The following ANKRD30BL variants were observed in gnomAD, a reference collection of about 807,000 sequenced individuals.
ANKRD30BL encodes putative ankyrin repeat domain-containing protein 30B-like.
A neutral mutation model predicts 18.4 loss-of-function variants in ANKRD30BL; 20 were observed. The ratio of observed to expected loss-of-function variants is 1.09; its 90% CI spans 0.77 to 1.58. The LOEUF (loss-of-function observed/expected upper bound fraction) is 1.58. ANKRD30BL is among the 40% of genes most tolerant of loss of function. The pLI, the probability that ANKRD30BL is intolerant of heterozygous loss-of-function variation, is 0.00. For missense variants in ANKRD30BL, 224 were observed against 268.6 expected (o/e 0.83, Z 1.16); for synonymous variants, 72 against 100.9 (o/e 0.71, Z 1.72).
chr2:132,169,891 G>A (rs1688249732), intron 1 of ANKRD30BL, among the ~76,000 whole-genome samples: 1 of 151,884 alleles, frequency 6.6e-6, no homozygotes, highest in Admixed American at 6.6e-5. Flanking sequence ...GTTTTCCTCT[G>A]ACACTTACTT....
intron 1 of ANKRD30BL, among the ~76,000 whole-genome samples, chr2:132,238,680 C>T (rs1194491935): frequency 6.6e-6 from 1 of 151,958 alleles, no homozygotes; most frequent in Non-Finnish European, 1.5e-5. Context: ...ACTCAACTCA[C>T]AGATTTGAAC....
At chr2:132,202,017 T>C (rs1558930191) in intron 1 of ANKRD30BL, among the ~76,000 whole-genome samples, 1 of 152,158 alleles carries the variant, frequency 6.6e-6, no homozygotes, top group Non-Finnish European at 1.5e-5. Flanking sequence ...TTGGAAACCA[T>C]CATTCTCAGT....
At chr2:132,245,271 T>C (rs1220164181) in intron 1 of ANKRD30BL, among the ~76,000 whole-genome samples, 3 of 152,276 alleles carry the variant, frequency 2.0e-5, no homozygotes, top group Non-Finnish European at 2.9e-5. Context: ...CGGGAATATC[T>C]TCACATAAAA....
chr2:132,176,683 C>T (rs1215712840), intron 1 of ANKRD30BL, among the ~76,000 whole-genome samples: 1 of 151,974 alleles, frequency 6.6e-6, no homozygotes. Context: ...CCCAGATACT[C>T]GGGAGGCTGA....
intron 1 of ANKRD30BL, among the ~76,000 whole-genome samples, chr2:132,225,607 A>T (rs112373773): frequency 6.6e-6 from 1 of 152,042 alleles, no homozygotes; most frequent in East Asian, 1.9e-4. Context: ...CTTTTTGTAG[A>T]GTCTACAAGT....
chr2:132,206,020 T>A (rs951832433), intron 1 of ANKRD30BL, among the ~76,000 whole-genome samples: 1 of 151,908 alleles, frequency 6.6e-6, no homozygotes, highest in Admixed American at 6.6e-5. Context: ...TAAACGGGCA[T>A]GGTGTTGGGC....
intron 1 of ANKRD30BL, among the ~76,000 whole-genome samples, chr2:132,242,031 G>C (rs370025895): frequency 6.6e-6 from 1 of 150,404 alleles, no homozygotes; most frequent in African/African-American, 2.4e-5. Flanking sequence ...ATATCTTCAC[G>C]TAAAAAGTAG....
intron 1 of ANKRD30BL, among the ~76,000 whole-genome samples, chr2:132,183,054 AT>A (rs1688500909): frequency 6.6e-6 from 1 of 152,028 alleles, no homozygotes; most frequent in South Asian, 2.1e-4. Context: ...AGAAGGTTCT[AT>A]TGTTTAGAAA....
intron 1 of ANKRD30BL, among the ~76,000 whole-genome samples, chr2:132,179,675 G>A (rs1421031141): frequency 1.3e-5 from 2 of 152,106 alleles, no homozygotes; most frequent in African/African-American, 2.4e-5. Flanking sequence ...GGTCCTTCAG[G>A]AGGTATCCAG....
At chr2:132,231,610 C>T (rs141329796) in intron 1 of ANKRD30BL, among the ~76,000 whole-genome samples, 3,539 of 152,248 alleles carry the variant, frequency 0.023, 126 homozygotes, top group African/African-American at 0.081. Context: ...CACTCCCACC[C>T]GAATATAGCG....
chr2:132,255,151 C>G (rs1049504365), intron 1 of ANKRD30BL, among the ~76,000 whole-genome samples: 1 of 152,236 alleles, frequency 6.6e-6, no homozygotes, highest in Non-Finnish European at 1.5e-5. Flanking sequence ...ACAACGGTAT[C>G]TGATCGTCTT....
Position 132,256,369 on chromosome 2 carries a change from C to A in ANKRD30BL, n.441+1160G>T, listed in dbSNP as rs1573903873. ...CCCATCCACCCACAGGACACAAAAC[C>A]CCCCGACGGGCTCACCACTCCCGAC... On this transcript the variant is annotated intron_variant and non_coding_transcript_variant, in intron 1 of 4. Transcript: ENST00000470729. Among the ~76,000 whole-genome samples the A allele has an allele frequency of 5.3e-5, 8 of 152,066 alleles. No individual in the cohort carries two copies. In the South Asian group the frequency reaches 1.0e-3, roughly 20 times the overall value.
intron 1 of ANKRD30BL, among the ~76,000 whole-genome samples, chr2:132,238,240 T>G (rs1433463685): frequency 6.6e-6 from 1 of 152,022 alleles, no homozygotes; most frequent in South Asian, 2.1e-4. Flanking sequence ...AAGACTCTTC[T>G]TATAGAATTT....
intron 1 of ANKRD30BL, among the ~76,000 whole-genome samples, chr2:132,224,243 T>C (rs192055970): frequency 6.6e-6 from 1 of 152,040 alleles, no homozygotes; most frequent in Non-Finnish European, 1.5e-5. Flanking sequence ...AATACTCTTT[T>C]TGTAGAATCT....
At chr2:132,242,372 A>C (rs1337717588) in intron 1 of ANKRD30BL, among the ~76,000 whole-genome samples, 5 of 151,610 alleles carry the variant, frequency 3.3e-5, no homozygotes, top group Non-Finnish European at 5.9e-5. Flanking sequence ...GAATATCTTC[A>C]AATAAAATCT....
chr2:132,171,765 A>G (rs1688286833), intron 1 of ANKRD30BL, among the ~76,000 whole-genome samples: 1 of 152,242 alleles, frequency 6.6e-6, no homozygotes, highest in Non-Finnish European at 1.5e-5. Flanking sequence ...TGAATTTTAA[A>G]TGAACAGTTC....
chr2:132,164,492 T>C (rs1688151623), upstream of ANKRD30BL, among the ~76,000 whole-genome samples: 1 of 151,768 alleles, frequency 6.6e-6, no homozygotes, highest in African/African-American at 2.4e-5. Context: ...GGTTTCACCA[T>C]TTTGGCCAGG....
intron 1 of ANKRD30BL, among the ~76,000 whole-genome samples, chr2:132,201,617 G>T (rs938443120): frequency 6.6e-5 from 10 of 152,214 alleles, no homozygotes; most frequent in African/African-American, 2.2e-4. Flanking sequence ...AGTTAGAATG[G>T]CAATCATTAA....
At chr2:132,149,456 A>G (rs1687698905) in intron 5 of ANKRD30BL, among the ~76,000 whole-genome samples, 1 of 152,226 alleles carries the variant, frequency 6.6e-6, no homozygotes, top group South Asian at 2.1e-4. Flanking sequence ...GTACAAGACT[A>G]TGTAACATAA....
Sources: allele counts gnomAD v4.1 joint callset (sites outside exome capture counted in the v4.1 genomes callset), GRCh38; gene constraint gnomAD v4.1.1; transcripts MANE v1.5; gene names NCBI Gene and HGNC (gene_info 2026-07-23, HGNC 2026-07-21).